Variants in STARD8 observed in about 807,000 individuals in gnomAD.
STARD8 encodes stAR-related lipid transfer protein 8.
In STARD8, 25 loss-of-function variants were observed where a neutral mutation model predicts 69.4. That is an observed-to-expected ratio of 0.36 (90% CI 0.26 to 0.50). The LOEUF (loss-of-function observed/expected upper bound fraction) is 0.50. STARD8 is among the 20% of genes least tolerant of loss of function. STARD8 has a pLI of 0.96. For missense variants in STARD8, 921 were observed against 932.5 expected, an observed-to-expected ratio of 0.99 and a Z score of 0.16; for synonymous variants, 389 against 374.6, an observed-to-expected ratio of 1.04 and a Z score of -0.45.
At chrX:68,672,651 C>G (rs1310767290) in intron 2 of STARD8, among the ~76,000 whole-genome samples, 2 of 111,096 alleles carry the variant, frequency 1.8e-5, no homozygotes, top group Non-Finnish European at 3.8e-5. Flanking sequence ...CTCACCACAG[C>G]CTGAAAGTCA....
rs1313055643 is a variant in STARD8, at chrX:68,716,411, G to A, written c.277G>A (p.Val93Ile). The A allele has an allele frequency of 1.7e-6, 2 of 1,211,032 alleles. No individual in the cohort carries two copies. The highest frequency in any genetic ancestry group is 2.2e-6 in the Non-Finnish European group (2 of 895,245). ...TAATTGTGCCTCGATGAAACTGGAG[G>A]TTCATTTTCAAAGCAAGCAGGTGAG... ...LNNCASMKLE[V>I]HFQSKQNEDS... Residue 93 changes from valine to isoleucine, a missense_variant, in exon 5 of 15, where the codon GTT becomes ATT. By Grantham distance (29) the Val-to-Ile change is conservative. Coordinates refer to ENST00000374599, the MANE Select transcript of STARD8 (RefSeq NM_001142503.3).
In STARD8 at chrX:68,647,902, T is replaced by C; in HGVS notation, c.20T>C (p.Phe7Ser). 5.0e-6 allele frequency: 6 copies of C among 1,201,485 alleles called. No individual in the cohort carries two copies. The highest frequency in any genetic ancestry group is 5.6e-6 in the Non-Finnish European group (5 of 890,372). Residue 7 changes from phenylalanine to serine, a missense_variant, in exon 1 of 15, where the codon TTC (phenylalanine) becomes TCC (serine). Phe to Ser is a radical substitution (Grantham distance 155, BLOSUM62 -2). Transcript: ENST00000374599. ...GCCACCATGCCTCTGCTGGACGTTT[T>C]CTGGTCTTGCTTCAGGAAGGTGAAG... is the stretch of plus-strand genomic sequence containing the variant. MPLLDVFWSCFRKVKCF... is the reference protein window; with the variant it reads MPLLDVSWSCFRKVKCF...
chrX:68,690,286 G>A (rs1204398057), intron 2 of STARD8, among the ~76,000 whole-genome samples: 1 of 111,473 alleles, frequency 9.0e-6, no homozygotes, highest in Non-Finnish European at 1.9e-5. Context: ...ATTCCCTGAA[G>A]TGATTTGCTG....
chrX:68,651,186 A>T (rs1296370755), intron 1 of STARD8, among the ~76,000 whole-genome samples: 1 of 112,761 alleles, frequency 8.9e-6, no homozygotes, highest in East Asian at 2.8e-4. Flanking sequence ...AGCATGAGGG[A>T]CACACAGAGA....
chrX:68,677,735 T>G (rs1051742407), intron 2 of STARD8, among the ~76,000 whole-genome samples: 1 of 111,273 alleles, frequency 9.0e-6, no homozygotes, highest in African/African-American at 3.3e-5. Context: ...TTCATTACTT[T>G]GAAAATTCTG....
At chrX:68,721,839 T>C in intron 10 of STARD8, 93 bp downstream of exon 10, 1 of 948,072 alleles carries the variant, frequency 1.1e-6, no homozygotes, top group Non-Finnish European at 1.5e-6. Context: ...CACTGCTGTG[T>C]CTCAGCCTCA....
chrX:68,675,848 C>T (rs764080544), intron 2 of STARD8, among the ~76,000 whole-genome samples: 22 of 111,649 alleles, frequency 2.0e-4, no homozygotes, highest in East Asian at 2.8e-4. Context: ...CTTTGAGGCC[C>T]GGTTTGCAGC....
At chrX:68,671,881 G>A (rs2079730688) in intron 2 of STARD8, among the ~76,000 whole-genome samples, 1 of 112,000 alleles carries the variant, frequency 8.9e-6, no homozygotes, top group Non-Finnish European at 1.9e-5. Flanking sequence ...GGAAGACAGA[G>A]TTATGGGATA....
At chrX:68,699,886 AC>A (rs1303301410) in intron 2 of STARD8, among the ~76,000 whole-genome samples, 2 of 111,990 alleles carry the variant, frequency 1.8e-5, no homozygotes, top group African/African-American at 6.5e-5. Flanking sequence ...GCCAGCTCTC[AC>A]GATTGGAGAG....
chrX:68,711,221 T>TACACAC (rs1388352039), intron 2 of STARD8, among the ~76,000 whole-genome samples: 1 of 95,660 alleles, frequency 1.0e-5, no homozygotes, highest in African/African-American at 5.4e-5. Flanking sequence ...CATGTATGCA[T>TACACAC]GCACACACAC....
chrX:68,674,790 G>A (rs2079753852), intron 2 of STARD8, among the ~76,000 whole-genome samples: 1 of 107,980 alleles, frequency 9.3e-6, no homozygotes, highest in Non-Finnish European at 1.9e-5. Flanking sequence ...TGTTGTTGTT[G>A]TTGTTGTTTT....
At chrX:68,673,687 T>C (rs979772047) in intron 2 of STARD8, among the ~76,000 whole-genome samples, 1 of 112,089 alleles carries the variant, frequency 8.9e-6, no homozygotes, top group Non-Finnish European at 1.9e-5. Flanking sequence ...AAGAAACATA[T>C]AGCCCTGGAA....
chrX:68,721,872 C>T lies in STARD8; in HGVS notation c.2459+126C>T, dbSNP rs1419225029. The T allele has an allele frequency of 1.5e-5, 12 of 805,688 alleles. No homozygotes were observed. In the Admixed American group the frequency reaches 1.6e-4, roughly 11 times the overall value. The allele number at this position is 805,688 out of a possible 1,213,427, so 66.4% of individuals were successfully genotyped here. The stretch of plus-strand genomic sequence containing the variant: ...TCACCACAAGGAGTGAGCCTGACTC[C>T]TCAGGGGCCCTGGGCTGGTGGGATG... On this transcript the variant is annotated intron_variant, in intron 10 of 14. Coordinates refer to ENST00000374599, the MANE Select transcript of STARD8 (RefSeq NM_001142503.3).
intron 2 of STARD8, among the ~76,000 whole-genome samples, chrX:68,688,797 C>G (rs902815818): frequency 5.8e-5 from 6 of 103,830 alleles, no homozygotes; most frequent in African/African-American, 2.1e-4. Context: ...CTTTCCTCCC[C>G]TGGCCCCAGG....
At chrX:68,697,244 T>C (rs928429186) in intron 2 of STARD8, among the ~76,000 whole-genome samples, 9 of 112,297 alleles carry the variant, frequency 8.0e-5, no homozygotes, top group Non-Finnish European at 1.7e-4. Flanking sequence ...TTATTTGCCC[T>C]GGACGTCCAT....
At chrX:68,716,017 C>T (rs2080088681) in intron 4 of STARD8, among the ~76,000 whole-genome samples, 1 of 111,805 alleles carries the variant, frequency 8.9e-6, no homozygotes, top group Non-Finnish European at 1.9e-5. Flanking sequence ...GTCCCTGTTT[C>T]TCTCACCTTC....
intron 1 of STARD8, among the ~76,000 whole-genome samples, chrX:68,661,635 A>G (rs1241224626): frequency 9.0e-6 from 1 of 110,973 alleles, no homozygotes; most frequent in African/African-American, 3.3e-5. Flanking sequence ...TATACCCCCA[A>G]ATAACTTTTT....
intron 1 of STARD8, among the ~76,000 whole-genome samples, chrX:68,663,023 A>C (rs2079660829): frequency 8.9e-6 from 1 of 111,995 alleles, no homozygotes; most frequent in Admixed American, 9.5e-5. Flanking sequence ...ACTGGATGAG[A>C]AGATTGTCAC....
Position 68,723,977 on chromosome X carries a change from G to A in STARD8, c.3050G>A (p.Cys1017Tyr), listed in dbSNP as rs757847521. 9 of 1,212,185 alleles carry A rather than the reference G, an allele frequency of 7.4e-6. No homozygotes were observed. In the South Asian group the frequency reaches 1.4e-4, roughly 19 times the overall value. The change falls in exon 14 of 15, where the codon TGC (cysteine) becomes TAC (tyrosine). Residue 1017 changes from cysteine (C) to tyrosine (Y), a missense_variant. Physicochemically the swap from Cys to Tyr is radical, Grantham distance 194. Transcript: ENST00000374599. ...MWRSDLPRGG[C>Y]LLVSQSLDPE... is the part of the protein sequence containing the mutation. ...CGCTCTGACCTGCCTCGTGGGGGTT[G>A]CCTGCTTGTCTCCCAGTCCCTGGAT...
Sources: gnomAD v4.1 joint callset for allele counts (sites outside exome capture counted in the v4.1 genomes callset) on GRCh38, gnomAD v4.1.1 for gene constraint, MANE v1.5 for transcripts, NCBI Gene and HGNC (gene_info 2026-07-23, HGNC 2026-07-21) for gene names.